SSPN: variants seen among roughly 807,000 people sequenced by gnomAD.
The protein encoded by SSPN is K-ras oncogene-associated protein.
SSPN carries 15 observed loss-of-function variants against 19.1 expected under a neutral mutation model. The observed-to-expected ratio is 0.78, with a 90% CI of 0.52 to 1.21. The LOEUF is 1.21. Among genes scored for constraint, SSPN ranks in the 50% most tolerant of loss-of-function variants. SSPN has a pLI of 0.00. For missense variants in SSPN, 291 were observed against 314.0 expected (o/e 0.93, Z 0.55); for synonymous variants, 147 against 140.3 (o/e 1.05, Z -0.34).
At chr12:26,142,032 C>G (rs1374429597) in intron 1 of SSPN, among the ~76,000 whole-genome samples, 1 of 152,086 alleles carries the variant, frequency 6.6e-6, no homozygotes, top group Non-Finnish European at 1.5e-5. Context: ...TAAAAAGGAG[C>G]AGGTGGATTT....
Position 26,230,804 on chromosome 12 carries a change from A to C in SSPN, c.460A>C (p.Thr154Pro), listed in dbSNP as rs199683279. 41 of 1,614,122 alleles carry C rather than the reference A, an allele frequency of 2.5e-5. No individual in the cohort carries two copies. Among genetic ancestry groups the C allele is most frequent in the Non-Finnish European group, 3.2e-5 (38 of 1,180,026 alleles). Residue 154 changes from threonine (T) to proline (P), a missense_variant, in exon 3 of 3, where the codon ACC becomes CCC. By Grantham distance (38) the Thr-to-Pro change is conservative. Transcript: ENST00000242729. The stretch of plus-strand genomic sequence containing the variant: ...CCACTATTCGCAGCTCACACAGTTT[A>C]CCTGTGAGACCACACTCGACTCTTG... ...AHHYSQLTQF[T>P]CETTLDSCQC...
At chr12:26,172,606 A>G (rs568200668) in intron 1 of SSPN, among the ~76,000 whole-genome samples, 48 of 152,336 alleles carry the variant, frequency 3.2e-4, no homozygotes, top group Non-Finnish European at 6.2e-4. Context: ...TGACTTTGTA[A>G]ATAATGTAGC....
At chr12:26,162,607 G>A (rs1309878517) in intron 1 of SSPN, among the ~76,000 whole-genome samples, 1 of 152,170 alleles carries the variant, frequency 6.6e-6, no homozygotes, top group Non-Finnish European at 1.5e-5. Flanking sequence ...TTCACCAGGG[G>A]ACATACTTTT....
intron 1 of SSPN, among the ~76,000 whole-genome samples, chr12:26,179,342 G>A (rs1944704009): frequency 6.6e-6 from 1 of 152,124 alleles, no homozygotes; most frequent in Non-Finnish European, 1.5e-5. Flanking sequence ...TATACTTTGG[G>A]CAATGAGACT....
intron 1 of SSPN, among the ~76,000 whole-genome samples, chr12:26,165,065 A>AT (rs1199108199): frequency 3.3e-5 from 5 of 152,212 alleles, no homozygotes; most frequent in Non-Finnish European, 7.3e-5. Flanking sequence ...TGCTTAGAGC[A>AT]TTTTTTAATG....
chr12:26,133,120 T>C (rs1465185186), intron 1 of SSPN, among the ~76,000 whole-genome samples: 1 of 152,246 alleles, frequency 6.6e-6, no homozygotes, highest in African/African-American at 2.4e-5. Flanking sequence ...CTCATCATCA[T>C]ATACTTGACT....
chr12:26,131,366 G>C (rs1476391025), intron 1 of SSPN, among the ~76,000 whole-genome samples: 3 of 152,320 alleles, frequency 2.0e-5, no homozygotes, highest in Non-Finnish European at 4.4e-5. Flanking sequence ...TGTTTTCTTG[G>C]AAATGATTGT....
At position 26,231,191 on chromosome 12, in the gene SSPN, T is replaced by C; in HGVS notation, c.*115T>C. The C allele has an allele frequency of 7.7e-7, 1 of 1,302,682 alleles. No homozygotes were observed. 80.7% of individuals were successfully genotyped at this position (1,302,682 alleles called of 1,614,324 possible). On this transcript the variant is annotated 3_prime_UTR_variant, in exon 3 of 3. Transcript: ENST00000242729. ...AAATTGACAATAAAAGTCACTCTTC[T>C]AATTGAATATTTTTATATTTTTATG... is the stretch of plus-strand genomic sequence containing the variant.
At chr12:26,166,734 C>T (rs1944623565) in intron 1 of SSPN, among the ~76,000 whole-genome samples, 1 of 152,216 alleles carries the variant, frequency 6.6e-6, no homozygotes, top group Admixed American at 6.5e-5. Context: ...CATAATCCAT[C>T]AGTAGAGCTG....
intron 1 of SSPN, among the ~76,000 whole-genome samples, chr12:26,137,086 T>C (rs1212138804): frequency 6.6e-6 from 1 of 152,234 alleles, no homozygotes; most frequent in African/African-American, 2.4e-5. Flanking sequence ...TGCCATGCTC[T>C]CTTTTACTGT....
chr12:26,215,337 A>G (rs1300343418), intron 1 of SSPN, among the ~76,000 whole-genome samples: 1 of 152,228 alleles, frequency 6.6e-6, no homozygotes, highest in African/African-American at 2.4e-5. Flanking sequence ...GGCTGATTGT[A>G]GGGATTCCAA....
intron 1 of SSPN, among the ~76,000 whole-genome samples, chr12:26,201,179 C>T (rs905567588): frequency 2.0e-5 from 3 of 150,764 alleles, no homozygotes; most frequent in Admixed American, 1.3e-4. Context: ...GATTTTGAGA[C>T]CAGCCTGGTC....
At chr12:26,177,317 A>G (rs1178485700) in intron 1 of SSPN, among the ~76,000 whole-genome samples, 1 of 152,104 alleles carries the variant, frequency 6.6e-6, no homozygotes, top group Non-Finnish European at 1.5e-5. Context: ...GGCTCCTGAA[A>G]CCCTCGGACA....
chr12:26,142,355 C>T (rs1565670804), intron 1 of SSPN, among the ~76,000 whole-genome samples: 1 of 152,076 alleles, frequency 6.6e-6, no homozygotes, highest in African/African-American at 2.4e-5. Flanking sequence ...AGGACAGTAA[C>T]AGTGAAAATG....
intron 1 of SSPN, among the ~76,000 whole-genome samples, chr12:26,206,077 G>A (rs563842475): frequency 6.6e-5 from 10 of 152,132 alleles, no homozygotes; most frequent in Non-Finnish European, 1.0e-4. Context: ...AATCGTGTGC[G>A]TCACAAATTT....
chr12:26,218,676 C>T lies in SSPN; in HGVS notation c.280-5617C>T, dbSNP rs943138990. On this transcript the variant is annotated intron_variant, in intron 1 of 2. Coordinates refer to ENST00000242729, the MANE Select transcript of SSPN (RefSeq NM_005086.5). ...TGTTTAAGTCATGCTAAAATATTCT[C>T]TCCAGTCTTTCTGGAATCTTGATTG... Among the ~76,000 whole-genome samples the T allele has an allele frequency of 3.0e-4, 45 of 152,266 alleles. No homozygotes were observed. In the Middle Eastern group the frequency reaches 0.01, roughly 35 times the overall value.
At chr12:26,212,259 A>G (rs932551124) in intron 1 of SSPN, among the ~76,000 whole-genome samples, 3 of 152,194 alleles carry the variant, frequency 2.0e-5, no homozygotes, top group African/African-American at 4.8e-5. Context: ...CCTGTCAGAT[A>G]TCAACTCCTC....
intron 1 of SSPN, among the ~76,000 whole-genome samples, chr12:26,141,705 T>C (rs1157013175): frequency 6.6e-6 from 1 of 152,246 alleles, no homozygotes; most frequent in Non-Finnish European, 1.5e-5. Context: ...TCTTTATACC[T>C]TCTTACCAGA....
At chr12:26,122,177 G>A in intron 1 of SSPN, 1 of 1,499,216 alleles carries the variant, frequency 6.7e-7, no homozygotes, top group Non-Finnish European at 8.9e-7. Flanking sequence ...GCGGGTGCTG[G>A]GGGTGCGGCG....
Sources: allele counts gnomAD v4.1 joint callset (sites outside exome capture counted in the v4.1 genomes callset), GRCh38; gene constraint gnomAD v4.1.1; transcripts MANE v1.5; gene names NCBI Gene and HGNC (gene_info 2026-07-23, HGNC 2026-07-21).